Variants in ASTN1 observed in about 807,000 individuals in gnomAD.
ASTN1 encodes astrotactin-1.
Under a neutral mutation model 140.7 loss-of-function variants are expected in ASTN1, and 41 were observed. That is an observed-to-expected ratio of 0.29 (90% CI 0.23 to 0.38). The LOEUF (loss-of-function observed/expected upper bound fraction) is 0.38. ASTN1 is among the 10% of genes least tolerant of loss of function. The probability of loss-of-function intolerance (pLI) is 1.00; values close to 1 mark genes in which losing one functional copy is unlikely to be tolerated. For missense variants in ASTN1, 1,479 were observed against 1,678.8 expected, an observed-to-expected ratio of 0.88 and a Z score of 2.08; for synonymous variants, 640 against 652.2, an observed-to-expected ratio of 0.98 and a Z score of 0.29.
At chr1:177,158,125 T>G (rs558877711) in intron 1 of ASTN1, among the ~76,000 whole-genome samples, 1 of 152,336 alleles carries the variant, frequency 6.6e-6, no homozygotes, top group East Asian at 1.9e-4. Flanking sequence ...ATATACATTT[T>G]CAGTTGTACT....
intron 14 of ASTN1, among the ~76,000 whole-genome samples, chr1:176,939,124 A>AG (rs1671577011): frequency 6.6e-6 from 1 of 151,854 alleles, no homozygotes; most frequent in African/African-American, 2.4e-5. Flanking sequence ...AAAAAAAAAA[A>AG]GAAAGTTCTT....
chr1:177,100,804 G>T (rs1047440486), intron 1 of ASTN1, among the ~76,000 whole-genome samples: 1 of 152,142 alleles, frequency 6.6e-6, no homozygotes, highest in African/African-American at 2.4e-5. Context: ...TTAAAAATGT[G>T]AAGACCGGCT....
intron 1 of ASTN1, among the ~76,000 whole-genome samples, chr1:177,122,206 G>C (rs1681427362): frequency 6.6e-6 from 1 of 152,166 alleles, no homozygotes. Context: ...CAGAGGGACT[G>C]AGAGAAAGCC....
In ASTN1 at chr1:177,076,549, T is replaced by A. The variant is rs537186991; in HGVS notation, c.284-15284A>T. Among the ~76,000 whole-genome samples, 187 of 150,428 alleles carry A rather than the reference T, an allele frequency of 1.2e-3. 2 individuals are homozygous for A. Among genetic ancestry groups the A allele is most frequent in the African/African-American group, 4.3e-3 (175 of 41,010 alleles). On this transcript the variant is annotated intron_variant, in intron 1 of 22. Coordinates refer to ENST00000361833, the MANE Select transcript of ASTN1 (RefSeq NM_004319.3). ...CTTTTTTTTTTTTTATGAGATGGAG[T>A]CTCACTTCATCACCCAGGCTGGAGT...
chr1:176,857,771 T>A, downstream of ASTN1: 1 of 412,254 alleles, frequency 2.4e-6, no homozygotes, highest in Non-Finnish European at 4.3e-6. Context: ...AGTGGCTGAT[T>A]AGGAGTATGT....
At chr1:177,030,130 T>A (rs1676350983) in intron 4 of ASTN1, among the ~76,000 whole-genome samples, 1 of 152,210 alleles carries the variant, frequency 6.6e-6, no homozygotes, top group African/African-American at 2.4e-5. Context: ...TTTTTCTGGC[T>A]CTAGAATTAT....
intron 15 of ASTN1, among the ~76,000 whole-genome samples, chr1:176,934,956 T>C (rs1476815148): frequency 3.3e-5 from 5 of 152,204 alleles, no homozygotes; most frequent in Non-Finnish European, 7.3e-5. Flanking sequence ...ACTCCTATTT[T>C]ATTGCAGAAA....
rs1370599006 is a variant in ASTN1, at chr1:176,868,902, G to A, written c.3589C>T (p.Gln1197Ter). 6.2e-7 allele frequency: 1 copy of A among 1,611,712 alleles called. No homozygotes were observed. The highest frequency in any genetic ancestry group is 1.1e-5 in the South Asian group (1 of 90,696). Reference sequence around the variant, plus strand: ...AATTCCCCAAAACTCTCATAGTGCTGGTTATAGTGGTAGAGGACCCGGTGT... The same window carrying A: ...AATTCCCCAAAACTCTCATAGTGCTAGTTATAGTGGTAGAGGACCCGGTGT... ...TLHRVLYHYN[Q>*]HYESFGEFTW... The change falls in exon 22 of 23, where the codon CAG becomes TAG. Residue 1197 changes from glutamine (Q) to a stop codon, truncating the protein, a stop_gained. Transcript: ENST00000361833. LOFTEE classifies it high-confidence loss of function.
chr1:176,930,514 A>C (rs1671164078), intron 16 of ASTN1, among the ~76,000 whole-genome samples: 1 of 152,204 alleles, frequency 6.6e-6, no homozygotes, highest in Non-Finnish European at 1.5e-5. Context: ...TTAGAGGAGT[A>C]TGGGCAAAAA....
chr1:176,988,977 A>G (rs1434808421), intron 8 of ASTN1, among the ~76,000 whole-genome samples: 1 of 152,244 alleles, frequency 6.6e-6, no homozygotes, highest in African/African-American at 2.4e-5. Context: ...AAAGGCTTTA[A>G]ACAATGGAAT....
chr1:177,049,906 A>T (rs1437630781), intron 2 of ASTN1, among the ~76,000 whole-genome samples: 1 of 152,184 alleles, frequency 6.6e-6, no homozygotes, highest in Non-Finnish European at 1.5e-5. Flanking sequence ...TTGAGGAAAG[A>T]GGGGCTGGGG....
At chr1:177,111,873 G>A (rs1033506313) in intron 1 of ASTN1, among the ~76,000 whole-genome samples, 11 of 152,160 alleles carry the variant, frequency 7.2e-5, no homozygotes, top group African/African-American at 1.4e-4. Context: ...TACAATGACC[G>A]TGAATCCACC....
At chr1:177,110,723 C>A (rs1316382645) in intron 1 of ASTN1, among the ~76,000 whole-genome samples, 1 of 152,140 alleles carries the variant, frequency 6.6e-6, no homozygotes, top group Non-Finnish European at 1.5e-5. Flanking sequence ...AGAGATTAGA[C>A]AATGCCTCCA....
At chr1:177,160,989 T>G (rs1647328444) in intron 1 of ASTN1, among the ~76,000 whole-genome samples, 1 of 152,132 alleles carries the variant, frequency 6.6e-6, no homozygotes, top group Non-Finnish European at 1.5e-5. Context: ...TTCAAAGCAT[T>G]TTAAAAACCA....
chr1:177,164,156 T>C (rs1647558709), intron 1 of ASTN1, among the ~76,000 whole-genome samples: 1 of 152,024 alleles, frequency 6.6e-6, no homozygotes, highest in East Asian at 1.9e-4. Flanking sequence ...CCTGTTTCTT[T>C]GAGGCAGGGC....
chr1:176,961,558 G>A (rs1403270556), intron 9 of ASTN1, among the ~76,000 whole-genome samples: 1 of 152,184 alleles, frequency 6.6e-6, no homozygotes. Flanking sequence ...TTTAAGGCTA[G>A]TAACCTCTCC....
At chr1:176,957,856 G>C in intron 10 of ASTN1, 28 bp from the exon 11 acceptor site, 2 of 1,609,348 alleles carry the variant, frequency 1.2e-6, no homozygotes, top group Non-Finnish European at 1.7e-6. Flanking sequence ...GGGAAGCAGG[G>C]AGGAGTCAAG....
intron 1 of ASTN1, among the ~76,000 whole-genome samples, chr1:177,162,013 G>C (rs1354008537): frequency 6.6e-6 from 1 of 151,958 alleles, no homozygotes; most frequent in East Asian, 1.9e-4. Flanking sequence ...TGCTGAGCAG[G>C]TACAACTCAA....
intron 8 of ASTN1, among the ~76,000 whole-genome samples, chr1:176,994,536 T>A (rs1392362441): frequency 1.3e-5 from 2 of 152,038 alleles, no homozygotes; most frequent in South Asian, 2.1e-4. Context: ...AGAGATAGGG[T>A]TTCATCATGT....
Sources: gnomAD v4.1 joint callset for allele counts (sites outside exome capture counted in the v4.1 genomes callset) on GRCh38, gnomAD v4.1.1 for gene constraint, MANE v1.5 for transcripts, NCBI Gene and HGNC (gene_info 2026-07-23, HGNC 2026-07-21) for gene names.